The following CTNNA3 variants were observed in gnomAD, a reference collection of about 807,000 sequenced individuals.
CTNNA3 encodes the protein catenin alpha 3.
Under a neutral mutation model 95.7 loss-of-function variants are expected in CTNNA3, and 76 were observed. The ratio of observed to expected loss-of-function variants is 0.79; its 90% CI spans 0.66 to 0.96. The LOEUF is 0.96. Ranked by LOEUF, CTNNA3 falls within the 40% of genes least tolerant of loss-of-function variation. The pLI is 0.00. For synonymous variants in CTNNA3, 431 were observed against 374.4 expected (o/e 1.15, Z -1.74); for missense variants, 1,191 against 1,089.8 (o/e 1.09, Z -1.31).
At chr10:67,680,941 A>G (rs1279558966) in intron 1 of CTNNA3, among the ~76,000 whole-genome samples, 1 of 152,192 alleles carries the variant, frequency 6.6e-6, no homozygotes, top group African/African-American at 2.4e-5. Flanking sequence ...TCAATGGCTC[A>G]CTTTCTTACA....
intron 7 of CTNNA3, among the ~76,000 whole-genome samples, chr10:67,080,282 G>A (rs1856982138): frequency 6.6e-6 from 1 of 152,138 alleles, no homozygotes; most frequent in Admixed American, 6.6e-5. Flanking sequence ...ATCTTATGGG[G>A]GTGGAAAGAG....
At chr10:66,214,967 C>A (rs1404450429) in intron 13 of CTNNA3, among the ~76,000 whole-genome samples, 1 of 151,932 alleles carries the variant, frequency 6.6e-6, no homozygotes, top group African/African-American at 2.4e-5. Context: ...ACTGAAAAAA[C>A]TTCCAAGGTT....
At chr10:66,818,365 C>T (rs1439228794) in intron 7 of CTNNA3, among the ~76,000 whole-genome samples, 1 of 152,018 alleles carries the variant, frequency 6.6e-6, no homozygotes, top group Non-Finnish European at 1.5e-5. Context: ...AATAATTTTG[C>T]ATATAGGAAA....
intron 5 of CTNNA3, among the ~76,000 whole-genome samples, chr10:67,443,738 T>C (rs939196128): frequency 2.6e-5 from 4 of 152,070 alleles, no homozygotes; most frequent in African/African-American, 7.2e-5. Context: ...TTCTCCCATT[T>C]TGTAGGTTGC....
At chr10:66,518,700 T>A (rs1263286585) in intron 11 of CTNNA3, among the ~76,000 whole-genome samples, 1 of 151,946 alleles carries the variant, frequency 6.6e-6, no homozygotes, top group Non-Finnish European at 1.5e-5. Flanking sequence ...AATATGCATA[T>A]ATACATGCAT....
intron 7 of CTNNA3, among the ~76,000 whole-genome samples, chr10:66,995,501 G>A (rs1197434851): frequency 1.3e-5 from 2 of 152,120 alleles, no homozygotes; most frequent in Non-Finnish European, 2.9e-5. Flanking sequence ...TTTAAAACAC[G>A]AAGCAGATAA....
intron 1 of CTNNA3, among the ~76,000 whole-genome samples, chr10:67,677,850 A>C (rs1359848585): frequency 6.6e-6 from 1 of 152,182 alleles, no homozygotes; most frequent in Non-Finnish European, 1.5e-5. Flanking sequence ...TGTCTCTTTT[A>C]GAAAGGTGAA....
At chr10:66,505,139 G>T (rs1840407271) in intron 11 of CTNNA3, among the ~76,000 whole-genome samples, 1 of 152,090 alleles carries the variant, frequency 6.6e-6, no homozygotes, top group Non-Finnish European at 1.5e-5. Context: ...AATACTCAAA[G>T]AACAGTCCTG....
intron 6 of CTNNA3, among the ~76,000 whole-genome samples, chr10:67,218,281 A>C (rs1255613462): frequency 1.3e-5 from 2 of 152,016 alleles, no homozygotes; most frequent in Admixed American, 6.6e-5. Flanking sequence ...TCAACTTATA[A>C]TTTTTTCCAG....
chr10:67,689,136 A>T (rs1201283239), intron 1 of CTNNA3, among the ~76,000 whole-genome samples: 1 of 152,148 alleles, frequency 6.6e-6, no homozygotes, highest in Non-Finnish European at 1.5e-5. Flanking sequence ...TCCTATAAAG[A>T]TGTTATGCCC....
intron 5 of CTNNA3, 71 bp downstream of exon 5, chr10:67,521,771 C>T: frequency 6.4e-7 from 1 of 1,559,900 alleles, no homozygotes; most frequent in Non-Finnish European, 8.7e-7. Flanking sequence ...CCCACCTGCA[C>T]CTCTGACAGG....
intron 15 of CTNNA3, among the ~76,000 whole-genome samples, chr10:66,037,370 T>A (rs1189913926): frequency 6.6e-6 from 1 of 152,188 alleles, no homozygotes; most frequent in African/African-American, 2.4e-5. Context: ...ATCCAAGATT[T>A]TAAGCTGCCA....
intron 12 of CTNNA3, among the ~76,000 whole-genome samples, chr10:66,280,831 T>TA: frequency 6.6e-6 from 1 of 151,890 alleles, no homozygotes; most frequent in East Asian, 1.9e-4. Context: ...TAAAGGCATT[T>TA]TTTTTTTCTA....
chr10:66,588,946 T>A (rs992622790), intron 10 of CTNNA3, among the ~76,000 whole-genome samples: 1 of 151,428 alleles, frequency 6.6e-6, no homozygotes, highest in African/African-American at 2.4e-5. Context: ...TCAGTTAAAG[T>A]GCCTTTGGTT....
intron 2 of CTNNA3, among the ~76,000 whole-genome samples, chr10:67,615,347 A>C (rs559557060): frequency 2.0e-5 from 3 of 152,340 alleles, no homozygotes; most frequent in African/African-American, 7.2e-5. Context: ...TACGTGTCAA[A>C]CACATAAGCA....
chr10:66,918,439 A>G (rs1589423238), intron 7 of CTNNA3, among the ~76,000 whole-genome samples: 1 of 152,216 alleles, frequency 6.6e-6, no homozygotes, highest in South Asian at 2.1e-4. Context: ...GCTACCAAGA[A>G]TGAATAGATG....
intron 15 of CTNNA3, among the ~76,000 whole-genome samples, chr10:66,006,579 C>T (rs1191362232): frequency 6.6e-6 from 1 of 151,826 alleles, no homozygotes; most frequent in African/African-American, 2.4e-5. Context: ...TGTGAGAGTC[C>T]CTCTTTTTCC....
chr10:65,914,337 T>C lies in CTNNA3; in HGVS notation c.*5993A>G, dbSNP rs1234948545. 1 of 152,100 alleles carries C rather than the reference T, an allele frequency of 6.6e-6. No homozygotes were observed. The highest frequency in any genetic ancestry group is 2.4e-5 in the African/African-American group (1 of 41,430). 9.4% of individuals were successfully genotyped at this position (152,100 alleles called of 1,614,324 possible). Reference sequence around the variant, plus strand: ...TCAAACTAGGAATGTGTGTATTTCTTATGTGGCTCCACCGTAAGAAATATC... The same window carrying C: ...TCAAACTAGGAATGTGTGTATTTCTCATGTGGCTCCACCGTAAGAAATATC... On this transcript the variant is annotated 3_prime_UTR_variant, in exon 18 of 18. Transcript: ENST00000433211.
At chr10:67,480,989 G>C (rs1328884052) in intron 5 of CTNNA3, among the ~76,000 whole-genome samples, 1 of 152,152 alleles carries the variant, frequency 6.6e-6, no homozygotes, top group Non-Finnish European at 1.5e-5. Context: ...TAGTTTGTTA[G>C]GAGTTTTTTA....
Sources: gnomAD v4.1 joint callset for allele counts (sites outside exome capture counted in the v4.1 genomes callset) on GRCh38, gnomAD v4.1.1 for gene constraint, MANE v1.5 for transcripts, NCBI Gene and HGNC (gene_info 2026-07-23, HGNC 2026-07-21) for gene names.